The following KCNJ6 variants were observed in gnomAD, a reference collection of about 807,000 sequenced individuals.
The protein encoded by KCNJ6 is G protein-activated inward rectifier potassium channel 2.
Under a neutral mutation model 34.2 loss-of-function variants are expected in KCNJ6, and 9 were observed. The observed-to-expected ratio is 0.26, with a 90% CI of 0.16 to 0.46. KCNJ6 has a LOEUF of 0.46. Among genes scored for constraint, KCNJ6 ranks in the 20% least tolerant of loss-of-function variants. The pLI, the probability that KCNJ6 is intolerant of heterozygous loss-of-function variation, is 1.00. For synonymous variants in KCNJ6, 196 were observed against 207.1 expected, an observed-to-expected ratio of 0.95 and a Z score of 0.46; for missense variants, 236 against 531.3, an observed-to-expected ratio of 0.44 and a Z score of 5.46.
intron 2 of KCNJ6, among the ~76,000 whole-genome samples, chr21:37,740,411 T>C (rs1335491555): frequency 6.6e-6 from 1 of 152,196 alleles, no homozygotes; most frequent in African/African-American, 2.4e-5. Flanking sequence ...AACCTAGACA[T>C]TACCTTTCTA....
In KCNJ6 at chr21:37,752,346, A is replaced by C. The variant is rs138225379; in HGVS notation, c.26-37215T>G. Among the ~76,000 whole-genome samples the C allele has an allele frequency of 1.2e-3, 189 of 152,210 alleles. 1 individual carries two copies. The highest frequency in any genetic ancestry group is 4.4e-3 in the South Asian group (21 of 4,826). Reference sequence around the variant, plus strand: ...AGGTAGCTGCAACAGGCTGACCAGCATCCTAGGAGGTGGTCTGACATGAAG... The same window carrying C: ...AGGTAGCTGCAACAGGCTGACCAGCCTCCTAGGAGGTGGTCTGACATGAAG... On this transcript the variant is annotated intron_variant, in intron 2 of 3. Transcript: ENST00000609713.
chr21:37,809,833 C>T (rs1018100170), intron 2 of KCNJ6, among the ~76,000 whole-genome samples: 3 of 152,144 alleles, frequency 2.0e-5, no homozygotes, highest in Non-Finnish European at 4.4e-5. Flanking sequence ...TTCTCTCTGC[C>T]ATGTCAGACT....
At chr21:37,662,532 CTA>C (rs1363750181) in intron 3 of KCNJ6, among the ~76,000 whole-genome samples, 1 of 152,068 alleles carries the variant, frequency 6.6e-6, no homozygotes, top group African/African-American at 2.4e-5. Flanking sequence ...TGGGTTGATT[CTA>C]TGTCTTTGTT....
chr21:37,750,321 C>T (rs930085208), intron 2 of KCNJ6, among the ~76,000 whole-genome samples: 3 of 152,136 alleles, frequency 2.0e-5, no homozygotes, highest in South Asian at 2.1e-4. Context: ...GACAGTGTGG[C>T]GATTCCTCAA....
intron 1 of KCNJ6, among the ~76,000 whole-genome samples, chr21:37,864,745 C>T (rs2055613401): frequency 6.6e-6 from 1 of 152,178 alleles, no homozygotes. Context: ...CCAAAGTCTC[C>T]TCTAAAAATG....
chr21:37,854,441 A>C (rs2055554452), intron 1 of KCNJ6, among the ~76,000 whole-genome samples: 1 of 152,198 alleles, frequency 6.6e-6, no homozygotes, highest in African/African-American at 2.4e-5. Flanking sequence ...TTGAGAGCTA[A>C]AAAATTGATC....
chr21:37,893,632 CTTT>C (rs550634250), intron 1 of KCNJ6, among the ~76,000 whole-genome samples: 2 of 139,568 alleles, frequency 1.4e-5, no homozygotes, highest in Non-Finnish European at 3.1e-5. Flanking sequence ...CTGGAGAAGC[CTTT>C]TTTTTTTTTT....
At chr21:37,712,519 TCCTCCCTTTCTCTTCCCTCCCTCCTCCTC>T (rs2054760181) in intron 3 of KCNJ6, among the ~76,000 whole-genome samples, 1 of 79,932 alleles carries the variant, frequency 1.3e-5, no homozygotes, top group Non-Finnish European at 2.5e-5. Context: ...CTCCTCTCCT[TCCTCCCTTTCTCTTCCCTCCCTCCTCCTC>T]CCTCCCTCCT....
At chr21:37,710,844 G>A (rs183848934) in intron 3 of KCNJ6, among the ~76,000 whole-genome samples, 9 of 152,242 alleles carry the variant, frequency 5.9e-5, no homozygotes, top group Admixed American at 2.6e-4. Flanking sequence ...GAACATAAAC[G>A]GCCCCCTTTA....
intron 3 of KCNJ6, among the ~76,000 whole-genome samples, chr21:37,633,880 A>G (rs2123370055): frequency 6.6e-6 from 1 of 152,246 alleles, no homozygotes; most frequent in South Asian, 2.1e-4. Flanking sequence ...AGTTTTTCCC[A>G]AGTTACTTTA....
chr21:37,849,330 C>G (rs1291098831), intron 1 of KCNJ6, among the ~76,000 whole-genome samples: 1 of 152,192 alleles, frequency 6.6e-6, no homozygotes, highest in African/African-American at 2.4e-5. Flanking sequence ...TCTGGGGGCT[C>G]TTATACCAGG....
chr21:37,865,200 G>A (rs769333823), intron 1 of KCNJ6, among the ~76,000 whole-genome samples: 19 of 152,134 alleles, frequency 1.2e-4, no homozygotes, highest in Admixed American at 6.5e-5. Context: ...CAGATATGCT[G>A]GGAATAATGT....
chr21:37,703,130 G>T (rs2054700231), intron 3 of KCNJ6, among the ~76,000 whole-genome samples: 1 of 152,166 alleles, frequency 6.6e-6, no homozygotes. Flanking sequence ...TTCTTTGTTT[G>T]TTCTTTGAGG....
rs567006342 is a variant in KCNJ6, at chr21:37,857,429, A to ATACC, written c.-27-16724_-27-16721dup. On this transcript the variant is annotated intron_variant, in intron 1 of 3. Transcript: ENST00000609713. ...TGAGAGCCTTCCTGGACAGTGTGTG[A>ATACC]TACCACAAAGGGACTGGAGGAAGCA... Among the ~76,000 whole-genome samples, 230 of 152,366 alleles carry ATACC rather than the reference A, an allele frequency of 1.5e-3. 4 individuals are homozygous for ATACC. The highest frequency in any genetic ancestry group is 3.5e-3 in the Admixed American group (53 of 15,302).
At chr21:37,654,818 C>T (rs1266627138) in intron 3 of KCNJ6, among the ~76,000 whole-genome samples, 2 of 152,180 alleles carry the variant, frequency 1.3e-5, no homozygotes, top group African/African-American at 4.8e-5. Context: ...CTGCACAGCC[C>T]CTGGCTGGGT....
chr21:37,651,440 T>C (rs778125442), intron 3 of KCNJ6, among the ~76,000 whole-genome samples: 63 of 152,192 alleles, frequency 4.1e-4, no homozygotes, highest in Non-Finnish European at 6.9e-4. Context: ...GCAGTGCTCA[T>C]AGGGGACTGG....
chr21:37,636,597 G>A (rs1268864930), intron 3 of KCNJ6, among the ~76,000 whole-genome samples: 1 of 152,212 alleles, frequency 6.6e-6, no homozygotes, highest in Non-Finnish European at 1.5e-5. Context: ...TGGAGGGGAA[G>A]GGAGTGCGTG....
At chr21:37,789,398 C>T (rs1199931853) in intron 2 of KCNJ6, among the ~76,000 whole-genome samples, 1 of 152,110 alleles carries the variant, frequency 6.6e-6, no homozygotes, top group Admixed American at 6.5e-5. Context: ...TTAGGAAAGG[C>T]CATGTGAGCA....
intron 3 of KCNJ6, among the ~76,000 whole-genome samples, chr21:37,699,467 C>A (rs1418502769): frequency 6.6e-6 from 1 of 152,164 alleles, no homozygotes; most frequent in African/African-American, 2.4e-5. Context: ...TTAGAAACTT[C>A]TGGAAAGCGA....
Sources: gnomAD v4.1 joint callset for allele counts (sites outside exome capture counted in the v4.1 genomes callset) on GRCh38, gnomAD v4.1.1 for gene constraint, MANE v1.5 for transcripts, NCBI Gene and HGNC (gene_info 2026-07-23, HGNC 2026-07-21) for gene names.